The following GRM7 variants were observed in gnomAD, a reference collection of about 807,000 sequenced individuals.
The protein encoded by GRM7 is glutamate metabotropic receptor 7.
GRM7 carries 35 observed loss-of-function variants against 84.5 expected under a neutral mutation model. That is an observed-to-expected ratio of 0.41 (90% CI 0.32 to 0.55). The LOEUF is 0.55. Ranked by LOEUF, GRM7 falls within the 20% of genes least tolerant of loss-of-function variation. The pLI is 0.19. For synonymous variants in GRM7, 487 were observed against 455.1 expected (o/e 1.07, Z -0.89); for missense variants, 1,003 against 1,194.6 (o/e 0.84, Z 2.36).
At chr3:7,295,729 A>C (rs1699791277) in intron 2 of GRM7, among the ~76,000 whole-genome samples, 1 of 152,146 alleles carries the variant, frequency 6.6e-6, no homozygotes, top group Admixed American at 6.5e-5. Context: ...TGTAAAATTC[A>C]GTAGTTCCTT....
chr3:7,127,616 C>T (rs958135563), intron 1 of GRM7, among the ~76,000 whole-genome samples: 2 of 152,028 alleles, frequency 1.3e-5, no homozygotes, highest in African/African-American at 4.8e-5. Flanking sequence ...TGGGAAGGTG[C>T]ATTTTAAAAG....
chr3:7,702,439 C>T (rs944393315), intron 9 of GRM7, among the ~76,000 whole-genome samples: 2 of 152,184 alleles, frequency 1.3e-5, no homozygotes, highest in Non-Finnish European at 2.9e-5. Flanking sequence ...GATTTAAAAA[C>T]CTAACCCCTA....
intron 7 of GRM7, among the ~76,000 whole-genome samples, chr3:7,473,985 G>C (rs546715633): frequency 9.2e-5 from 14 of 152,160 alleles, no homozygotes; most frequent in African/African-American, 3.1e-4. Context: ...GATTTGTTCT[G>C]AGGATATGGA....
intron 4 of GRM7, among the ~76,000 whole-genome samples, chr3:7,351,190 C>G (rs1027597289): frequency 2.0e-5 from 3 of 151,792 alleles, no homozygotes; most frequent in African/African-American, 4.8e-5. Flanking sequence ...GTGATGTGCC[C>G]TATAATTGCC....
chr3:7,397,760 A>C (rs1695271611), intron 4 of GRM7, among the ~76,000 whole-genome samples: 2 of 152,140 alleles, frequency 1.3e-5, no homozygotes, highest in South Asian at 4.1e-4. Flanking sequence ...TCCTCTAAGT[A>C]GACACTTGGC....
At position 6,862,686 on chromosome 3, in the gene GRM7, C is replaced by CT. The variant is rs113925177; in HGVS notation, c.519+779_519+780insT. 12 of 284,116 alleles carry CT rather than the reference C, an allele frequency of 4.2e-5. No homozygotes were observed. The highest frequency in any genetic ancestry group is 1.3e-3 in the Middle Eastern group (1 of 756). The allele number at this position is 284,116 out of a possible 1,614,324, so 17.6% of individuals were successfully genotyped here. On this transcript the variant is annotated intron_variant, in intron 1 of 9. Coordinates refer to ENST00000357716, the MANE Select transcript of GRM7 (RefSeq NM_000844.4). The surrounding 1 kb of genome is among the most constrained non-coding windows in gnomAD (Gnocchi z 5.2). ...AGACCTCAGCCCAGGGATGAGCTCACGCGAAACGAAATCGCTCTCCCTGCC... is the reference window on the plus strand; with the variant it reads ...AGACCTCAGCCCAGGGATGAGCTCACTGCGAAACGAAATCGCTCTCCCTGCC...
At chr3:7,569,047 C>A (rs1694501048) in intron 7 of GRM7, among the ~76,000 whole-genome samples, 2 of 152,214 alleles carry the variant, frequency 1.3e-5, no homozygotes, top group African/African-American at 4.8e-5. Context: ...ATGAAGCCAG[C>A]TGGGCTCCTG....
At chr3:6,872,309 T>C (rs753344887) in intron 1 of GRM7, among the ~76,000 whole-genome samples, 3 of 152,208 alleles carry the variant, frequency 2.0e-5, no homozygotes, top group Non-Finnish European at 4.4e-5. Context: ...TTTTAAATGA[T>C]TGCCATTTCC....
intron 1 of GRM7, among the ~76,000 whole-genome samples, chr3:7,054,232 C>T (rs1039835772): frequency 6.7e-6 from 1 of 149,068 alleles, no homozygotes; most frequent in Non-Finnish European, 1.5e-5. Context: ...ATAAATGAAG[C>T]CATTTTAATC....
intron 1 of GRM7, among the ~76,000 whole-genome samples, chr3:6,934,031 A>C (rs891213981): frequency 6.6e-6 from 1 of 152,202 alleles, no homozygotes; most frequent in Admixed American, 6.5e-5. Flanking sequence ...GACAGTTCCA[A>C]TGTGTGACTG....
At chr3:7,140,061 T>C (rs1693897907) in intron 1 of GRM7, among the ~76,000 whole-genome samples, 1 of 152,004 alleles carries the variant, frequency 6.6e-6, no homozygotes, top group Admixed American at 6.6e-5. Context: ...CATGGAAAGG[T>C]GCACAACAGC....
chr3:7,543,803 A>T (rs896630247), intron 7 of GRM7, among the ~76,000 whole-genome samples: 2 of 152,222 alleles, frequency 1.3e-5, no homozygotes, highest in Non-Finnish European at 2.9e-5. Flanking sequence ...GGGACAGAAA[A>T]CAAAGTACAA....
intron 7 of GRM7, among the ~76,000 whole-genome samples, chr3:7,537,038 A>G (rs903735751): frequency 1.3e-5 from 2 of 152,150 alleles, no homozygotes; most frequent in South Asian, 4.1e-4. Flanking sequence ...ATCATCAGGA[A>G]AGGGGCACAG....
At chr3:7,388,059 T>C (rs1189519075) in intron 4 of GRM7, among the ~76,000 whole-genome samples, 2 of 152,120 alleles carry the variant, frequency 1.3e-5, no homozygotes. Flanking sequence ...CCATTATAAA[T>C]GGAATTGTGT....
intron 1 of GRM7, among the ~76,000 whole-genome samples, chr3:6,901,014 A>T (rs62235375): frequency 0.073 from 11,183 of 152,204 alleles, 568 homozygotes; most frequent in Non-Finnish European, 0.11. Context: ...ACTGGAAAAT[A>T]GTTTTCTTCA....
chr3:7,382,980 A>AT (rs568005826), intron 4 of GRM7, among the ~76,000 whole-genome samples: 5 of 152,168 alleles, frequency 3.3e-5, no homozygotes, highest in Admixed American at 3.3e-4. Flanking sequence ...GGAAATTGAG[A>AT]TTTTTTTCAA....
chr3:7,532,413 T>A (rs1437952114), intron 7 of GRM7, among the ~76,000 whole-genome samples: 1 of 152,168 alleles, frequency 6.6e-6, no homozygotes, highest in Non-Finnish European at 1.5e-5. Context: ...TGCGTAGAGA[T>A]GTTTATAGTG....
intron 1 of GRM7, among the ~76,000 whole-genome samples, chr3:7,094,512 C>G (rs1052044496): frequency 6.6e-6 from 1 of 152,186 alleles, no homozygotes; most frequent in Admixed American, 6.5e-5. Flanking sequence ...AACAGCAAAA[C>G]TGGGCTTGAG....
At chr3:7,527,576 G>C (rs575180788) in intron 7 of GRM7, among the ~76,000 whole-genome samples, 7 of 152,088 alleles carry the variant, frequency 4.6e-5, no homozygotes, top group South Asian at 4.2e-4. Flanking sequence ...GAATGGGAGT[G>C]AGAGAGTAGA....
Sources: gnomAD v4.1 joint callset for allele counts (sites outside exome capture counted in the v4.1 genomes callset) on GRCh38, gnomAD v4.1.1 for gene constraint, Gnocchi (gnomAD v3.1) non-coding constraint, MANE v1.5 for transcripts, NCBI Gene and HGNC (gene_info 2026-07-23, HGNC 2026-07-21) for gene names.